Variants in VPS35 observed in about 807,000 individuals in gnomAD.
VPS35 encodes the protein VPS35 retromer complex component.
VPS35 carries 21 observed loss-of-function variants against 98.1 expected under a neutral mutation model. The observed-to-expected ratio is 0.21, with a 90% CI of 0.15 to 0.31. The LOEUF (loss-of-function observed/expected upper bound fraction) is 0.31, where lower values mean the gene tolerates loss of function less well. Ranked by LOEUF, VPS35 falls within the 10% of genes least tolerant of loss-of-function variation. VPS35 has a pLI of 1.00. For missense variants in VPS35, 554 were observed against 950.8 expected (o/e 0.58, Z 5.49); for synonymous variants, 268 against 318.2 (o/e 0.84, Z 1.68).
intron 6 of VPS35, 157 bp from the exon 7 acceptor site, chr16:46,677,555 A>G: frequency 1.5e-6 from 1 of 684,166 alleles, no homozygotes; most frequent in South Asian, 1.7e-5. Flanking sequence ...TTTCTTTTTG[A>G]GACAAGGTCT....
chr16:46,664,417 A>G (rs1336131165), intron 13 of VPS35, among the ~76,000 whole-genome samples: 1 of 152,150 alleles, frequency 6.6e-6, no homozygotes, highest in Non-Finnish European at 1.5e-5. Context: ...TCAGCCTCCC[A>G]AAGTGCTAGG....
rs1413112459 is a variant in VPS35 at position 46,661,822 on chromosome 16, C to G, written c.2107G>C (p.Ala703Pro). Reference sequence around the variant, plus strand: ...ATGCACTGATTTGCTATTTTTAGAGCTTTTTTTAGGCACTCCATTACCCTC... The same window carrying G: ...ATGCACTGATTTGCTATTTTTAGAGGTTTTTTTAGGCACTCCATTACCCTC... The part of the protein sequence containing the change: ...GKRVMECLKK[A>P]LKIANQCMDP... Residue 703 changes from alanine to proline, a missense_variant, in exon 16 of 17, where the codon GCT becomes CCT. Transcript: ENST00000299138. This position sits in a 1 kb window ranked among gnomAD's most constrained non-coding sequence, Gnocchi z 4.3. The G allele has an allele frequency of 6.2e-7, 1 of 1,614,002 alleles. No homozygotes were observed. The highest frequency in any genetic ancestry group is 8.5e-7 in the Non-Finnish European group (1 of 1,179,970).
At chr16:46,660,981 T>C (rs141712678) in intron 16 of VPS35, 105 of 378,422 alleles carry the variant, frequency 2.8e-4, no homozygotes, top group Non-Finnish European at 4.7e-4. Flanking sequence ...ACCCCATCTC[T>C]AGTAATAATA....
chr16:46,678,963 T>C lies in VPS35; in HGVS notation c.700A>G (p.Asn234Asp). 6.2e-7 allele frequency: 1 copy of C among 1,614,164 alleles called. No homozygotes were observed. Among genetic ancestry groups the C allele is most frequent in the South Asian group, 1.1e-5 (1 of 91,088 alleles). ...LVRLSQLEGV[N>D]VERYKQIVLT... is the part of the protein sequence containing the mutation. ...TAAACCTGTTTGTAACGTTCCACATTTACACCTTCCAACTGACTGAGGCGC... is the reference window on the plus strand; with the variant it reads ...TAAACCTGTTTGTAACGTTCCACATCTACACCTTCCAACTGACTGAGGCGC... The change falls in exon 6 of 17, where the codon AAT (asparagine) becomes GAT (aspartate). Residue 234 changes from asparagine (N) to aspartate (D), a missense_variant. Physicochemically the swap from Asn to Asp is conservative, Grantham distance 23. Around this residue, in one of 5 missense-constraint regions of VPS35, gnomAD observed 77 missense variants for 222.3 expected, o/e 0.35. Coordinates refer to ENST00000299138, the MANE Select transcript of VPS35 (RefSeq NM_018206.6).
chr16:46,687,383 C>T (rs1332875305), intron 1 of VPS35, among the ~76,000 whole-genome samples: 1 of 152,206 alleles, frequency 6.6e-6, no homozygotes, highest in Non-Finnish European at 1.5e-5. Context: ...CAATACATAT[C>T]CCCAAGAATC....
rs778763088 is a variant in VPS35, at chr16:46,689,142, C to G, written c.-9G>C. ...CCCTCAGCACTCACCATGGCGACTC[C>G]CCAGAGCCTGCAGCAAGCAGCACCC... On this transcript the variant is annotated 5_prime_UTR_variant, in exon 1 of 17. Transcript: ENST00000299138. 39 of 1,609,008 alleles carry G rather than the reference C, an allele frequency of 2.4e-5. No individual in the cohort carries two copies. The highest frequency in any genetic ancestry group is 3.2e-5 in the Non-Finnish European group (38 of 1,178,600).
At chr16:46,676,065 C>CA (rs369452932) in intron 8 of VPS35, among the ~76,000 whole-genome samples, 43,520 of 63,996 alleles carry the variant, frequency 0.68, 14,933 homozygotes, top group South Asian at 0.9. Context: ...GGATCTGTCT[C>CA]AAAAAAAAAA....
chr16:46,674,352 T>C lies in VPS35; in HGVS notation c.1122A>G (p.Glu374=). ...GCTTATTGAATATCTCCACTGTTGT[T>C]TCTAGAACTTTATCAACATAGTCCA... ...DRVDYVDKVL[E]TTVEIFNKLN... Residue 374 remains glutamate (E), a synonymous_variant, in exon 10 of 17, where the codon GAA becomes GAG. Coordinates refer to ENST00000299138, the MANE Select transcript of VPS35 (RefSeq NM_018206.6). The C allele has an allele frequency of 1.2e-6, 2 of 1,614,126 alleles. No homozygotes were observed. Among genetic ancestry groups the C allele is most frequent in the Non-Finnish European group, 1.7e-6 (2 of 1,180,016 alleles).
chr16:46,662,427 A>T lies in VPS35; in HGVS notation c.1883T>A (p.Ile628Asn). The T allele has an allele frequency of 6.2e-7, 1 of 1,614,232 alleles. No homozygotes were observed. The change falls in exon 15 of 17, where the codon ATC (isoleucine) becomes AAC (asparagine). Residue 628 changes from isoleucine (I) to asparagine (N), a missense_variant. Transcript: ENST00000299138. Reference sequence around the variant, plus strand: ...TTCAAAAGTGCCAATGATCAAGGTGATGGCAGCTAGCTGTGCTTTGGAATC... The same window carrying T: ...TTCAAAAGTGCCAATGATCAAGGTGTTGGCAGCTAGCTGTGCTTTGGAATC... ...ISDSKAQLAA[I>N]TLIIGTFERM... is the part of the protein sequence containing the mutation.
At chr16:46,682,962 C>CT (rs1361359938) in intron 2 of VPS35, 2 of 157,550 alleles carry the variant, frequency 1.3e-5, no homozygotes, top group African/African-American at 2.4e-5. Context: ...TTATCTCTTA[C>CT]TTTATCTTTT....
Position 46,662,249 on chromosome 16 carries a change from C to G in VPS35, c.2061G>C (p.Gly687=), listed in dbSNP as rs188831675. The G allele has an allele frequency of 6.8e-6, 11 of 1,614,130 alleles. No homozygotes were observed. Among genetic ancestry groups the G allele is most frequent in the Admixed American group, 3.3e-5 (2 of 60,014 alleles). The stretch of plus-strand genomic sequence containing the variant: ...CAGTCAGGAATGACCTTACCTCCTC[C>G]CCATTTTTGTCCGTGTTTCTGCCAG... ...FWSGRNTDKN[G]EELHGGKRVM... is the part of the protein sequence containing the mutation. Residue 687 remains glycine (G), a synonymous_variant, in exon 15 of 17, where the codon GGG becomes GGC. Coordinates refer to ENST00000299138, the MANE Select transcript of VPS35 (RefSeq NM_018206.6).
At position 46,688,552 on chromosome 16, in the gene VPS35, G is replaced by A. The variant is rs147243765; in HGVS notation, c.3+579C>T. On this transcript the variant is annotated intron_variant, in intron 1 of 16. Transcript: ENST00000299138. ...GACCGTCAGGATTAGAAGACAGCCT[G>A]AGTCCTTCCAGGAAATTCATGTAAG... 9.5e-3 allele frequency: 9,459 copies of A among 992,912 alleles called. 55 individuals are homozygous for A. The highest frequency in any genetic ancestry group is 0.011 in the Non-Finnish European group (8,978 of 833,578). The allele number at this position is 992,912 out of a possible 1,614,324, so 61.5% of individuals were successfully genotyped here.
chr16:46,679,478 G>C (rs1966200663), intron 5 of VPS35, among the ~76,000 whole-genome samples: 1 of 152,176 alleles, frequency 6.6e-6, no homozygotes, highest in South Asian at 2.1e-4. Context: ...CCGTAATCCA[G>C]TGCTTTGGGA....
rs113843620 is a variant in VPS35, at chr16:46,682,439, A to G, written c.103-264T>C. 574 of 401,652 alleles carry G rather than the reference A, an allele frequency of 1.4e-3. 3 individuals are homozygous for G. The highest frequency in any genetic ancestry group is 0.011 in the African/African-American group (528 of 49,220). 24.9% of individuals were successfully genotyped at this position (401,652 alleles called of 1,614,324 possible). ...GATAGAATGCTAATCTTTTCAATCT[A>G]TAGAGACTAGGAAACTAGCTCCATT... On this transcript the variant is annotated intron_variant, in intron 2 of 16. Coordinates refer to ENST00000299138, the MANE Select transcript of VPS35 (RefSeq NM_018206.6).
intron 15 of VPS35, 25 bp downstream of exon 15, chr16:46,662,218 A>C: frequency 6.2e-7 from 1 of 1,614,078 alleles, no homozygotes; most frequent in Non-Finnish European, 8.5e-7. Flanking sequence ...CCTGTCTGCT[A>C]TCATGCAGTC....
chr16:46,683,529 T>C lies in VPS35; in HGVS notation c.81A>G (p.Ser27=). ...TTACCAGGCATCTCTTCATTTGGAA[T>C]GACTGGACCTTCACAGCCTGTATGG... ...DEAIQAVKVQ[S]FQMKRCLDKN... Residue 27 remains serine, a synonymous_variant, in exon 2 of 17, where the codon TCA becomes TCG. Coordinates refer to ENST00000299138, the MANE Select transcript of VPS35 (RefSeq NM_018206.6). 6.2e-7 allele frequency: 1 copy of C among 1,613,860 alleles called. No homozygotes were observed. The highest frequency in any genetic ancestry group is 8.5e-7 in the Non-Finnish European group (1 of 1,180,004).
intron 10 of VPS35, chr16:46,673,343 A>G (rs1966095046): frequency 6.6e-6 from 1 of 152,216 alleles, no homozygotes; most frequent in Non-Finnish European, 1.5e-5. Context: ...ACACAAAACC[A>G]AAAATGACCA....
intron 1 of VPS35, among the ~76,000 whole-genome samples, chr16:46,685,756 C>A (rs149395024): frequency 1.3e-5 from 2 of 152,014 alleles, no homozygotes; most frequent in Non-Finnish European, 2.9e-5. Flanking sequence ...TACCTCTGGA[C>A]GCAATAGATT....
intron 1 of VPS35, chr16:46,688,830 A>C: frequency 7.2e-7 from 1 of 1,395,020 alleles, no homozygotes; most frequent in Non-Finnish European, 9.3e-7. Context: ...GACCGATTCC[A>C]CTTAAAGGAG....
Sources: allele counts gnomAD v4.1 joint callset (sites outside exome capture counted in the v4.1 genomes callset), GRCh38; gene constraint gnomAD v4.1.1; regional missense constraint gnomAD v4.1.1; non-coding constraint Gnocchi (gnomAD v3.1); transcripts MANE v1.5; gene names NCBI Gene and HGNC (gene_info 2026-07-23, HGNC 2026-07-21).